ZBTB8OS: variants seen among roughly 807,000 people sequenced by gnomAD.
ZBTB8OS encodes tRNA-splicing ligase-activating factor archease.
In ZBTB8OS, 16 loss-of-function variants were observed where a neutral mutation model predicts 29.3. The observed-to-expected ratio is 0.55, with a 90% confidence interval of 0.37 to 0.83. The LOEUF (loss-of-function observed/expected upper bound fraction) is 0.83. ZBTB8OS is among the 40% of genes least tolerant of loss of function. ZBTB8OS has a pLI of 0.00. For synonymous variants in ZBTB8OS, 70 were observed against 64.6 expected (o/e 1.08, Z -0.40); for missense variants, 160 against 196.9 (o/e 0.81, Z 1.12).
rs568963488 is a variant in ZBTB8OS at position 32,632,786 on chromosome 1, C to T, written c.327+859G>A. On this transcript the variant is annotated intron_variant, in intron 4 of 6. Transcript: ENST00000468695. ...TACTCTGGGCACACAGGGGCAGTAC[C>T]TCTGCCGCTGCTGTACACTGCCACT... Among the ~76,000 whole-genome samples the T allele has an allele frequency of 2.0e-5, 3 of 152,246 alleles. No individual in the cohort carries two copies. In the East Asian group the frequency reaches 5.8e-4, roughly 29 times the overall value.
chr1:32,643,319 C>T (rs1481855335), intron 1 of ZBTB8OS, among the ~76,000 whole-genome samples: 4 of 151,850 alleles, frequency 2.6e-5, no homozygotes, highest in East Asian at 3.9e-4. Flanking sequence ...GTGATTCACC[C>T]GCCTTGGCCT....
intron 1 of ZBTB8OS, among the ~76,000 whole-genome samples, chr1:32,644,703 G>C (rs1042400408): frequency 2.2e-5 from 3 of 134,170 alleles, no homozygotes; most frequent in Non-Finnish European, 4.7e-5. Flanking sequence ...ACCACACCCA[G>C]CTTTTTTTTT....
chr1:32,631,973 T>C, intron 4 of ZBTB8OS, 94 bp from the exon 5 acceptor site: 1 of 338,478 alleles, frequency 3.0e-6, no homozygotes, highest in Non-Finnish European at 5.7e-6. Context: ...TTGGACCATC[T>C]ACTAAAAATT....
intron 6 of ZBTB8OS, among the ~76,000 whole-genome samples, chr1:32,624,808 C>A (rs1312232557): frequency 6.6e-6 from 1 of 151,632 alleles, no homozygotes; most frequent in African/African-American, 2.4e-5. Context: ...ACAGGAGAAT[C>A]GCTTGAACCT....
chr1:32,641,107 G>A (rs1646363060), intron 1 of ZBTB8OS, among the ~76,000 whole-genome samples: 1 of 151,798 alleles, frequency 6.6e-6, no homozygotes, highest in Non-Finnish European at 1.5e-5. Flanking sequence ...AGAAGGTGGA[G>A]GTTGCAGTAA....
chr1:32,627,377 C>T, intron 6 of ZBTB8OS, 131 bp downstream of exon 6: 1 of 752,796 alleles, frequency 1.3e-6, no homozygotes, highest in Non-Finnish European at 2.2e-6. Context: ...TATATCCAGA[C>T]AGGTCAGAGA....
chr1:32,646,538 C>A (rs959022961), intron 1 of ZBTB8OS, among the ~76,000 whole-genome samples: 7 of 151,458 alleles, frequency 4.6e-5, no homozygotes, highest in African/African-American at 1.7e-4. Flanking sequence ...CAGGCGCCCG[C>A]CACCTCGCCC....
intron 1 of ZBTB8OS, among the ~76,000 whole-genome samples, chr1:32,647,065 A>AAAAC (rs1646901392): frequency 7.3e-6 from 1 of 137,878 alleles, no homozygotes; most frequent in Non-Finnish European, 1.5e-5. Context: ...AAAAAAAAAA[A>AAAAC]AAAAAAAATG....
At chr1:32,646,095 A>G (rs1309343526) in intron 1 of ZBTB8OS, among the ~76,000 whole-genome samples, 6 of 152,104 alleles carry the variant, frequency 3.9e-5, no homozygotes, top group Admixed American at 6.6e-5. Context: ...CAAGGCAGAC[A>G]GATCATCTGA....
In ZBTB8OS at chr1:32,635,191, C is replaced by T. The variant is rs145234524; in HGVS notation, c.98-399G>A. Among the ~76,000 whole-genome samples, 45 of 152,080 alleles carry T rather than the reference C, an allele frequency of 3.0e-4. No homozygotes were observed. The East Asian group carries it at 8.5e-3, about 29-fold the overall frequency. Reference sequence around the variant, plus strand: ...TATGAGCTTTTTCCTGATATTCCCACAGGAAAACCAGAAAGTAACAAACGG... The same window carrying T: ...TATGAGCTTTTTCCTGATATTCCCATAGGAAAACCAGAAAGTAACAAACGG... On this transcript the variant is annotated intron_variant, in intron 1 of 6. Transcript: ENST00000468695.
chr1:32,642,440 G>A (rs1646484938), intron 1 of ZBTB8OS, among the ~76,000 whole-genome samples: 1 of 151,440 alleles, frequency 6.6e-6, no homozygotes. Context: ...GGAGACAGAG[G>A]TTGCAGTGAG....
intron 4 of ZBTB8OS, 92 bp from the exon 5 acceptor site, chr1:32,631,971 T>A: frequency 5.5e-6 from 2 of 361,824 alleles, no homozygotes; most frequent in Non-Finnish European, 1.0e-5. Context: ...TTTTGGACCA[T>A]CTACTAAAAA....
At chr1:32,649,057 T>A (rs1199688658) in intron 1 of ZBTB8OS, among the ~76,000 whole-genome samples, 1 of 125,424 alleles carries the variant, frequency 8.0e-6, no homozygotes, top group Non-Finnish European at 1.6e-5. Flanking sequence ...GCCTCCACCC[T>A]CCTGGGTTCA....
At chr1:32,645,334 TA>T (rs1034549184) in intron 1 of ZBTB8OS, among the ~76,000 whole-genome samples, 2 of 152,032 alleles carry the variant, frequency 1.3e-5, no homozygotes, top group African/African-American at 4.8e-5. Flanking sequence ...CCCATCTCTA[TA>T]AAAAATAACA....
intron 5 of ZBTB8OS, among the ~76,000 whole-genome samples, chr1:32,628,292 G>A (rs959007633): frequency 1.3e-5 from 2 of 150,938 alleles, no homozygotes; most frequent in Admixed American, 6.6e-5. Context: ...AGGAGGTGGA[G>A]GTTGCAGTGA....
intron 1 of ZBTB8OS, among the ~76,000 whole-genome samples, chr1:32,641,954 T>G (rs1646443376): frequency 6.6e-6 from 1 of 151,828 alleles, no homozygotes; most frequent in Non-Finnish European, 1.5e-5. Flanking sequence ...ACAAAACCTT[T>G]GTACATACTT....
At chr1:32,631,042 TAAAA>T (rs1383243741) in intron 5 of ZBTB8OS, among the ~76,000 whole-genome samples, 2 of 148,316 alleles carry the variant, frequency 1.3e-5, no homozygotes, top group East Asian at 4.1e-4. Context: ...GAAAATAAAA[TAAAA>T]AAGCTATATG....
At chr1:32,644,793 C>T (rs1210263067) in intron 1 of ZBTB8OS, among the ~76,000 whole-genome samples, 2 of 147,484 alleles carry the variant, frequency 1.4e-5, no homozygotes, top group Admixed American at 1.4e-4. Flanking sequence ...AATCCTCCGG[C>T]TTAGGCCTCC....
chr1:32,637,486 T>G lies in ZBTB8OS; in HGVS notation c.98-2694A>C, dbSNP rs191973794. Among the ~76,000 whole-genome samples, 1,363 of 151,828 alleles carry G rather than the reference T, an allele frequency of 9.0e-3. 83 individuals are homozygous for G. Among genetic ancestry groups the G allele is most frequent in the Admixed American group, 0.08 (1,215 of 15,184 alleles). Reference sequence around the variant, plus strand: ...CGGAAGCTGAGGCAGGAGAACTGCTTGAACCCTGGAGGCGGAGGTTGCAGT... The same window carrying G: ...CGGAAGCTGAGGCAGGAGAACTGCTGGAACCCTGGAGGCGGAGGTTGCAGT... On this transcript the variant is annotated intron_variant, in intron 1 of 6. Transcript: ENST00000468695.
Sources: allele counts gnomAD v4.1 joint callset (sites outside exome capture counted in the v4.1 genomes callset), GRCh38; gene constraint gnomAD v4.1.1; transcripts MANE v1.5; gene names NCBI Gene and HGNC (gene_info 2026-07-23, HGNC 2026-07-21).